The following TMTC2 variants were observed in gnomAD, a reference collection of about 807,000 sequenced individuals.
The protein encoded by TMTC2 is transmembrane O-mannosyltransferase targeting cadherins 2, also known as protein O-mannosyl-transferase TMTC2.
Under a neutral mutation model 82.4 loss-of-function variants are expected in TMTC2, and 43 were observed. The observed-to-expected ratio is 0.52, with a 90% confidence interval of 0.41 to 0.67. The LOEUF is 0.67. Ranked by LOEUF, TMTC2 falls within the 30% of genes least tolerant of loss-of-function variation. The probability of loss-of-function intolerance (pLI) is 0.00; values close to 1 mark genes in which losing one functional copy is unlikely to be tolerated. For synonymous variants in TMTC2, 408 were observed against 381.9 expected (o/e 1.07, Z -0.80); for missense variants, 919 against 1,012.4 (o/e 0.91, Z 1.25).
intron 3 of TMTC2, among the ~76,000 whole-genome samples, chr12:82,918,999 G>A (rs940025819): frequency 1.2e-4 from 18 of 152,120 alleles, no homozygotes; most frequent in Non-Finnish European, 2.4e-4. Context: ...CTTGTGATCC[G>A]ACAGCCTTGG....
chr12:82,741,412 G>T (rs1218141313), intron 1 of TMTC2, among the ~76,000 whole-genome samples: 2 of 152,136 alleles, frequency 1.3e-5, no homozygotes, highest in Non-Finnish European at 2.9e-5. Flanking sequence ...CCAGCTACAA[G>T]CAGTTCTCCT....
chr12:82,934,876 G>A (rs543698238), intron 4 of TMTC2, among the ~76,000 whole-genome samples: 3 of 152,060 alleles, frequency 2.0e-5, no homozygotes, highest in Non-Finnish European at 4.4e-5. Context: ...ATCCTTTCCA[G>A]CATCTGTTGT....
At chr12:82,800,624 C>T (rs1005125099) in intron 1 of TMTC2, among the ~76,000 whole-genome samples, 1 of 152,146 alleles carries the variant, frequency 6.6e-6, no homozygotes, top group African/African-American at 2.4e-5. Context: ...AACATCCTCC[C>T]ACCACCAAAA....
At chr12:83,072,077 A>G (rs531099744) in intron 11 of TMTC2, among the ~76,000 whole-genome samples, 5 of 151,784 alleles carry the variant, frequency 3.3e-5, no homozygotes, top group Admixed American at 2.0e-4. Flanking sequence ...TTGTTTCTCT[A>G]ATTCCTCGAG....
chr12:83,050,572 C>T (rs949634875), intron 9 of TMTC2, among the ~76,000 whole-genome samples: 12 of 152,018 alleles, frequency 7.9e-5, no homozygotes, highest in African/African-American at 1.9e-4. Context: ...TGTACATATG[C>T]GTCAGAGACA....
intron 1 of TMTC2, among the ~76,000 whole-genome samples, chr12:82,774,976 A>G (rs912183598): frequency 2.0e-5 from 3 of 152,094 alleles, no homozygotes; most frequent in African/African-American, 7.2e-5. Flanking sequence ...GGAAAAATCT[A>G]TCAGGGACAA....
chr12:83,106,057 A>G (rs1056486757), intron 11 of TMTC2, among the ~76,000 whole-genome samples: 3 of 152,260 alleles, frequency 2.0e-5, no homozygotes, highest in Non-Finnish European at 4.4e-5. Flanking sequence ...CAATGATTAA[A>G]TTAAATAGGT....
intron 1 of TMTC2, among the ~76,000 whole-genome samples, chr12:82,799,777 C>T (rs2137034206): frequency 6.6e-6 from 1 of 152,142 alleles, no homozygotes; most frequent in South Asian, 2.1e-4. Context: ...TTTGAGGGGA[C>T]ACAATTTAAC....
At chr12:83,092,979 AAT>A (rs1883893124) in intron 11 of TMTC2, among the ~76,000 whole-genome samples, 1 of 152,200 alleles carries the variant, frequency 6.6e-6, no homozygotes, top group Non-Finnish European at 1.5e-5. Context: ...TCAGTATTTA[AAT>A]ATCACTGTGT....
intron 7 of TMTC2, among the ~76,000 whole-genome samples, chr12:82,972,155 T>C (rs1329389819): frequency 6.6e-6 from 1 of 152,206 alleles, no homozygotes; most frequent in Non-Finnish European, 1.5e-5. Context: ...GTGTTTATGA[T>C]GAGCAATATG....
intron 1 of TMTC2, among the ~76,000 whole-genome samples, chr12:82,692,236 G>C (rs565910023): frequency 6.6e-6 from 1 of 152,072 alleles, no homozygotes; most frequent in Admixed American, 6.6e-5. Flanking sequence ...ATACATGCAC[G>C]ATTATTACAT....
chr12:82,836,280 G>A (rs1464088746), intron 1 of TMTC2, among the ~76,000 whole-genome samples: 2 of 152,110 alleles, frequency 1.3e-5, no homozygotes, highest in Admixed American at 6.5e-5. Flanking sequence ...ACCTGTGGAT[G>A]TGCTAACTTA....
chr12:82,927,829 G>A (rs1875812488), intron 3 of TMTC2, among the ~76,000 whole-genome samples: 1 of 152,106 alleles, frequency 6.6e-6, no homozygotes, highest in African/African-American at 2.4e-5. Context: ...TAGCAACAAA[G>A]TATTTTTTAA....
chr12:82,959,479 T>C (rs1438201666), intron 4 of TMTC2, among the ~76,000 whole-genome samples: 2 of 152,236 alleles, frequency 1.3e-5, no homozygotes, highest in East Asian at 3.9e-4. Flanking sequence ...ATCAGACACA[T>C]AGACCAGTGG....
intron 8 of TMTC2, among the ~76,000 whole-genome samples, chr12:83,025,959 T>C (rs1414179450): frequency 6.6e-6 from 1 of 152,206 alleles, no homozygotes; most frequent in East Asian, 1.9e-4. Context: ...GACATGTTCT[T>C]ATTCACCAAT....
At chr12:83,075,814 T>C (rs919613664) in intron 11 of TMTC2, among the ~76,000 whole-genome samples, 3 of 152,228 alleles carry the variant, frequency 2.0e-5, no homozygotes, top group African/African-American at 7.2e-5. Context: ...TTTTCCAAAT[T>C]ATGTTCATGC....
intron 1 of TMTC2, among the ~76,000 whole-genome samples, chr12:82,717,151 A>G (rs1272741003): frequency 6.6e-6 from 1 of 151,864 alleles, no homozygotes; most frequent in African/African-American, 2.4e-5. Flanking sequence ...TCTTTCTCAC[A>G]TTCGGAACCT....
intron 11 of TMTC2, among the ~76,000 whole-genome samples, chr12:83,090,084 T>A (rs1481134329): frequency 2.0e-5 from 3 of 152,182 alleles, no homozygotes; most frequent in African/African-American, 7.2e-5. Flanking sequence ...TCAGAAAGGG[T>A]ATGGACAGTC....
At chr12:82,708,497 C>A (rs1358933727) in intron 1 of TMTC2, among the ~76,000 whole-genome samples, 2 of 152,168 alleles carry the variant, frequency 1.3e-5, no homozygotes, top group African/African-American at 4.8e-5. Flanking sequence ...TGGCATGGAC[C>A]CCATGCTACT....
Sources: allele counts gnomAD v4.1 joint callset (sites outside exome capture counted in the v4.1 genomes callset), GRCh38; gene constraint gnomAD v4.1.1; transcripts MANE v1.5; gene names NCBI Gene and HGNC (gene_info 2026-07-23, HGNC 2026-07-21).